SDK2: variants seen among roughly 807,000 people sequenced by gnomAD.
The protein encoded by SDK2 is protein sidekick-2.
Under a neutral mutation model 253.9 loss-of-function variants are expected in SDK2, and 105 were observed. The ratio of observed to expected loss-of-function variants is 0.41; its 90% CI spans 0.35 to 0.49. The LOEUF is 0.49. SDK2 is among the 20% of genes least tolerant of loss of function. The pLI is 0.06. For missense variants in SDK2, 2,608 were observed against 3,003.0 expected (o/e 0.87, Z 3.07); for synonymous variants, 1,249 against 1,234.9 (o/e 1.01, Z -0.24).
At chr17:73,461,933 T>C (rs1250890589) in intron 3 of SDK2, among the ~76,000 whole-genome samples, 1 of 151,890 alleles carries the variant, frequency 6.6e-6, no homozygotes, top group South Asian at 2.1e-4. Context: ...GAATGGATGG[T>C]TGTATGTATG....
chr17:73,351,782 A>G (rs1190830892), intron 41 of SDK2, among the ~76,000 whole-genome samples: 3 of 151,960 alleles, frequency 2.0e-5, no homozygotes, highest in African/African-American at 7.3e-5. Context: ...GCCTTGAAGC[A>G]CTTCTGTCCC....
chr17:73,376,775 A>G (rs1171787388), intron 36 of SDK2, among the ~76,000 whole-genome samples: 2 of 152,232 alleles, frequency 1.3e-5, no homozygotes, highest in East Asian at 3.9e-4. Flanking sequence ...TAGGGGGGCA[A>G]TATTTAGTTT....
intron 14 of SDK2, among the ~76,000 whole-genome samples, chr17:73,422,722 T>C (rs1447815242): frequency 6.6e-6 from 1 of 152,066 alleles, no homozygotes; most frequent in Non-Finnish European, 1.5e-5. Flanking sequence ...AGGCAAGCTG[T>C]GTTTAAAATG....
intron 1 of SDK2, among the ~76,000 whole-genome samples, chr17:73,623,327 T>C (rs889746976): frequency 2.6e-5 from 4 of 152,206 alleles, no homozygotes; most frequent in African/African-American, 9.6e-5. Flanking sequence ...GTCACTTGTC[T>C]AGGGTCATCA....
intron 24 of SDK2, among the ~76,000 whole-genome samples, chr17:73,397,681 G>C (rs1156547036): frequency 6.6e-6 from 1 of 152,204 alleles, no homozygotes; most frequent in Non-Finnish European, 1.5e-5. Flanking sequence ...CCCGCCGCTT[G>C]GGAGCTGTGT....
rs1004955504 is a variant in SDK2, at chr17:73,609,984, T to A, written c.64+34041A>T. Among the ~76,000 whole-genome samples, 1 of 152,144 alleles carries A rather than the reference T, an allele frequency of 6.6e-6. No individual in the cohort carries two copies. Among genetic ancestry groups the A allele is most frequent in the African/African-American group, 2.4e-5 (1 of 41,432 alleles). On this transcript the variant is annotated intron_variant, in intron 1 of 44. Transcript: ENST00000392650. This position sits in a 1 kb window ranked among gnomAD's most constrained non-coding sequence, Gnocchi z 4.4. Reference sequence around the variant, plus strand: ...GCCAGGCAGCTGCACGGGAAACAGGTGTCCTGCTGAACAAGATGGAAGCAG... The same window carrying A: ...GCCAGGCAGCTGCACGGGAAACAGGAGTCCTGCTGAACAAGATGGAAGCAG...
In SDK2 at chr17:73,395,492, C is replaced by T; in HGVS notation, c.3355-100G>A. The T allele has an allele frequency of 1.2e-6, 1 of 862,482 alleles. No individual in the cohort carries two copies. Among genetic ancestry groups the T allele is most frequent in the South Asian group, 1.6e-5 (1 of 62,370 alleles). 53.4% of individuals were successfully genotyped at this position (862,482 alleles called of 1,614,324 possible). A position where few individuals can be genotyped will look rare whatever the true frequency, so the allele number is the denominator to read the frequency against. ...CCTCTCCTCCAGGGCGCCTTCAGGGCTATCCATCCCACTGTCACCCGGTCA... is the reference window on the plus strand; with the variant it reads ...CCTCTCCTCCAGGGCGCCTTCAGGGTTATCCATCCCACTGTCACCCGGTCA... On this transcript the variant is annotated intron_variant, in intron 24 of 44. Transcript: ENST00000392650. The surrounding 1 kb of genome is among the most constrained non-coding windows in gnomAD (Gnocchi z 4.3).
At chr17:73,376,451 T>C (rs1161749119) in intron 36 of SDK2, among the ~76,000 whole-genome samples, 1 of 152,198 alleles carries the variant, frequency 6.6e-6, no homozygotes, top group Non-Finnish European at 1.5e-5. Context: ...GAATGCAGTA[T>C]CAGCTTCGGT....
In SDK2 at chr17:73,336,422, G is replaced by A. The variant is rs1448919430; in HGVS notation, c.*2165C>T. On this transcript the variant is annotated 3_prime_UTR_variant, in exon 45 of 45. Coordinates refer to ENST00000392650, the MANE Select transcript of SDK2 (RefSeq NM_001144952.2). ...CCTCAGCCCTTGGTTCTCCTTTGGG[G>A]AAGATTGTGCTTCCCTTCCCAGGCC... is the stretch of plus-strand genomic sequence containing the variant. 1.3e-5 allele frequency: 2 copies of A among 152,266 alleles called. No homozygotes were observed. Among genetic ancestry groups the A allele is most frequent in the African/African-American group, 2.4e-5 (1 of 41,432 alleles). 9.4% of individuals were successfully genotyped at this position (152,266 alleles called of 1,614,324 possible).
intron 20 of SDK2, 111 bp downstream of exon 20, chr17:73,401,543 G>T (rs2145527310): frequency 4.0e-6 from 4 of 1,006,742 alleles, no homozygotes; most frequent in East Asian, 5.2e-5. Flanking sequence ...AGAAAGCATG[G>T]GTTGGCTTCA....
At position 73,423,945 on chromosome 17, in the gene SDK2, G is replaced by C; in HGVS notation, c.1731C>G (p.Asn577Lys). The change falls in exon 13 of 45, where the codon AAC becomes AAG. Residue 577 changes from asparagine to lysine, a missense_variant. Around this residue, in one of 2 missense-constraint regions of SDK2, gnomAD observed 1,505 missense variants for 1,859.1 expected, o/e 0.81. Transcript: ENST00000392650. The stretch of plus-strand genomic sequence containing the variant: ...CTCGCAGGTGGGCACTGCGAGAGTC[G>C]TTGCCTCCTGCTGAGATCACCCGGC... ...YTCRVISAGGNDSRSAHLRVR... is the reference protein window; with the variant it reads ...YTCRVISAGGKDSRSAHLRVR... 1 of 1,597,406 alleles carries C rather than the reference G, an allele frequency of 6.3e-7. No individual in the cohort carries two copies. Among genetic ancestry groups the C allele is most frequent in the Non-Finnish European group, 8.5e-7 (1 of 1,172,486 alleles).
intron 1 of SDK2, among the ~76,000 whole-genome samples, chr17:73,632,391 G>C (rs540950781): frequency 6.6e-6 from 1 of 152,194 alleles, no homozygotes; most frequent in African/African-American, 2.4e-5. Flanking sequence ...CTTTCTCCCC[G>C]TGTGAGAGGT....
intron 1 of SDK2, among the ~76,000 whole-genome samples, chr17:73,641,437 T>C (rs576410263): frequency 6.6e-5 from 10 of 152,330 alleles, no homozygotes; most frequent in Non-Finnish European, 1.5e-4. Context: ...CCGTTCTTTC[T>C]GCTGCCAAAG....
chr17:73,430,174 C>T (rs2063315133), intron 12 of SDK2, among the ~76,000 whole-genome samples: 1 of 152,200 alleles, frequency 6.6e-6, no homozygotes, highest in African/African-American at 2.4e-5. Flanking sequence ...CCAGAGACAG[C>T]AGCTCCTTCC....
chr17:73,495,905 A>G (rs1181886922), intron 2 of SDK2, among the ~76,000 whole-genome samples: 1 of 152,208 alleles, frequency 6.6e-6, no homozygotes, highest in Non-Finnish European at 1.5e-5. Context: ...TTAAAATTCA[A>G]TTTATGCCCA....
At chr17:73,357,741 C>T (rs1473664723) in intron 40 of SDK2, 1 of 377,672 alleles carries the variant, frequency 2.6e-6, no homozygotes. Context: ...AGTTATGGGG[C>T]ACCCATCAGT....
chr17:73,581,072 G>C (rs1181906051), intron 1 of SDK2, among the ~76,000 whole-genome samples: 1 of 151,770 alleles, frequency 6.6e-6, no homozygotes, highest in Non-Finnish European at 1.5e-5. Context: ...TCAGAGATAG[G>C]GTCTCATCAT....
Position 73,431,368 on chromosome 17 carries a change from C to G in SDK2, c.1480+134G>C. ...GTCCCTCTGATGAGAAGGGCCCTGA[C>G]TGGGACAGACACTGGGGATGGAGAC... is the stretch of plus-strand genomic sequence containing the variant. On this transcript the variant is annotated intron_variant, in intron 11 of 44. Coordinates refer to ENST00000392650, the MANE Select transcript of SDK2 (RefSeq NM_001144952.2). The surrounding 1 kb of genome is among the most constrained non-coding windows in gnomAD (Gnocchi z 5.6). 1 of 859,194 alleles carries G rather than the reference C, an allele frequency of 1.2e-6. No homozygotes were observed. The highest frequency in any genetic ancestry group is 1.7e-6 in the Non-Finnish European group (1 of 576,226). The allele number at this position is 859,194 out of a possible 1,614,324, so 53.2% of individuals were successfully genotyped here.
At chr17:73,636,976 T>A (rs2046340112) in intron 1 of SDK2, among the ~76,000 whole-genome samples, 1 of 152,196 alleles carries the variant, frequency 6.6e-6, no homozygotes, top group Non-Finnish European at 1.5e-5. Context: ...AGGTTGAGAA[T>A]GTTAAGTGAC....
Sources: allele counts gnomAD v4.1 joint callset (sites outside exome capture counted in the v4.1 genomes callset), GRCh38; gene constraint gnomAD v4.1.1; regional missense constraint gnomAD v4.1.1; non-coding constraint Gnocchi (gnomAD v3.1); transcripts MANE v1.5; gene names NCBI Gene and HGNC (gene_info 2026-07-23, HGNC 2026-07-21).